The following MCM5 variants were observed in gnomAD, a reference collection of about 807,000 sequenced individuals.
MCM5 encodes the protein minichromosome maintenance complex component 5, also known as DNA replication licensing factor MCM5.
A neutral mutation model predicts 79.9 loss-of-function variants in MCM5; 46 were observed. That is an observed-to-expected ratio of 0.58 (90% CI 0.45 to 0.74). MCM5 has a LOEUF of 0.74. Ranked by LOEUF, MCM5 falls within the 30% of genes least tolerant of loss-of-function variation. The pLI, the probability that MCM5 is intolerant of heterozygous loss-of-function variation, is 0.00. For missense variants in MCM5, 883 were observed against 1,017.0 expected, an observed-to-expected ratio of 0.87 and a Z score of 1.79; for synonymous variants, 404 against 390.5, an observed-to-expected ratio of 1.03 and a Z score of -0.41.
rs773861459 is a variant in MCM5 at position 35,424,161 on chromosome 22, C to G, written c.2111C>G (p.Pro704Arg). The change falls in exon 17 of 17, where the codon CCG (proline) becomes CGG (arginine). Residue 704 changes from proline (P) to arginine (R), a missense_variant. Coordinates refer to ENST00000216122, the MANE Select transcript of MCM5 (RefSeq NM_006739.4). ...IIKDFTKQKY[P>R]EHAIHKVLQL... ...AGCCATGTGCTCCCACAGAAATACC[C>G]GGAGCACGCCATCCACAAGGTGCTG... 2.6e-6 allele frequency: 4 copies of G among 1,549,856 alleles called. No individual in the cohort carries two copies. The highest frequency in any genetic ancestry group is 1.2e-5 in the South Asian group (1 of 83,814).
At chr22:35,442,754 T>C in the MCM5 span, among the ~76,000 whole-genome samples, 7 of 152,320 alleles carry the variant, frequency 4.6e-5, no homozygotes, top group Middle Eastern at 3.4e-3. Flanking sequence ...CTTAATTTGA[T>C]CTCATCTGCA....
chr22:35,419,854 TCA>T (rs757895852), intron 13 of MCM5, 28 bp from the exon 14 acceptor site: 2 of 1,582,540 alleles, frequency 1.3e-6, no homozygotes, highest in East Asian at 4.6e-5. Context: ...CCTCCTGGCC[TCA>T]CACCAGCCTC....
intron 10 of MCM5, 93 bp downstream of exon 10, chr22:35,416,065 G>T: frequency 6.7e-7 from 1 of 1,481,658 alleles, no homozygotes; most frequent in Non-Finnish European, 9.3e-7. Context: ...CCTCTGACTT[G>T]GGAGACATGT....
At position 35,413,871 on chromosome 22, in the gene MCM5, C is replaced by T; in HGVS notation, c.1092-4C>T. The T allele has an allele frequency of 6.3e-7, 1 of 1,580,162 alleles. No homozygotes were observed. Among genetic ancestry groups the T allele is most frequent in the Non-Finnish European group, 8.7e-7 (1 of 1,149,010 alleles). ...ACCTTGTCCATCTACCCTTCGTCCC[C>T]CAGGCTCCCTGATGGACTTACTCGC... On this transcript the variant is annotated splice_region_variant and splice_polypyrimidine_tract_variant and intron_variant, in intron 8 of 16. Transcript: ENST00000216122.
intron 5 of MCM5, 124 bp downstream of exon 5, chr22:35,406,849 G>A (rs1011922186): frequency 9.6e-7 from 1 of 1,036,286 alleles, no homozygotes; most frequent in Admixed American, 2.3e-5. Flanking sequence ...CTGGGCAGGG[G>A]TGTGCCCTTA....
At chr22:35,428,055 CTG>C (rs1434184394), downstream of MCM5, among the ~76,000 whole-genome samples, 1 of 146,660 alleles carries the variant, frequency 6.8e-6, no homozygotes, top group Non-Finnish European at 1.5e-5. Context: ...AAGTCTCACT[CTG>C]TTGTCCAGGC....
At chr22:35,447,794 G>A in the MCM5 span, among the ~76,000 whole-genome samples, 82 of 152,260 alleles carry the variant, frequency 5.4e-4, no homozygotes, top group East Asian at 3.5e-3. Context: ...GGAGGAAACC[G>A]TCCACAGCCT....
chr22:35,400,613 TC>T lies in MCM5; in HGVS notation c.167+10del, dbSNP rs1436480160. 6.3e-7 allele frequency: 1 copy of T among 1,596,160 alleles called. No homozygotes were observed. Among genetic ancestry groups the T allele is most frequent in the Non-Finnish European group, 8.5e-7 (1 of 1,170,078 alleles). ...CTTCACCTTCAAATACAGGTGCGGC[TC>T]CTGCGGGGCCGGGGGCTCGAGTTCC... On this transcript the variant is annotated intron_variant, in intron 2 of 16. Coordinates refer to ENST00000216122, the MANE Select transcript of MCM5 (RefSeq NM_006739.4).
chr22:35,442,268 G>T, the MCM5 span, among the ~76,000 whole-genome samples: 2 of 151,700 alleles, frequency 1.3e-5, no homozygotes, highest in Non-Finnish European at 2.9e-5. Flanking sequence ...GCCTGCTTGC[G>T]TGGTGGGTTC....
chr22:35,403,082 G>A, intron 2 of MCM5, 125 bp from the exon 3 acceptor site: 2 of 1,125,114 alleles, frequency 1.8e-6, no homozygotes, highest in Admixed American at 4.4e-5. Flanking sequence ...TGTTTGGGAA[G>A]AGGAATGGTG....
chr22:35,406,694 G>C lies in MCM5; in HGVS notation c.565G>C (p.Glu189Gln), dbSNP rs779395034. The C allele has an allele frequency of 6.2e-7, 1 of 1,609,882 alleles. No homozygotes were observed. Among genetic ancestry groups the C allele is most frequent in the Non-Finnish European group, 8.5e-7 (1 of 1,180,010 alleles). ...CAACATTGCCATGCGCCCTGGCCTC[G>C]AGGGCTATGCCCTGCCCAGGAAGTG... ...LTNIAMRPGL[E>Q]GYALPRKCNT... is the part of the protein sequence containing the mutation. The change falls in exon 5 of 17, where the codon GAG (glutamate) becomes CAG (glutamine). Residue 189 changes from glutamate to glutamine, a missense_variant. Transcript: ENST00000216122.
chr22:35,401,698 T>A (rs1158743632), intron 2 of MCM5: 1 of 471,058 alleles, frequency 2.1e-6, no homozygotes, highest in South Asian at 1.5e-5. Flanking sequence ...TGCCAGGCAC[T>A]GCGCTACAAA....
At chr22:35,431,301 G>A in the MCM5 span, among the ~76,000 whole-genome samples, 18 of 152,304 alleles carry the variant, frequency 1.2e-4, no homozygotes, top group East Asian at 3.3e-3. Context: ...AGGAAACTGA[G>A]GCACAGAAAT....
Position 35,406,442 on chromosome 22 carries a change from T to TGCA in MCM5, c.424-108_424-106dup, listed in dbSNP as rs142160533. ...GGAACAGAAGAGCTGTGGCCCTCCCTGCAGCTCTGTGCCCACCTCCTCCAG... is the reference window on the plus strand; with the variant it reads ...GGAACAGAAGAGCTGTGGCCCTCCCTGCAGCAGCTCTGTGCCCACCTCCTCCAG... On this transcript the variant is annotated intron_variant, in intron 4 of 16. Transcript: ENST00000216122. 1.5e-3 allele frequency: 1,454 copies of TGCA among 970,184 alleles called. 11 individuals are homozygous for TGCA. The East Asian group carries it at 0.02, about 13-fold the overall frequency. The allele number at this position is 970,184 out of a possible 1,614,324, so 60.1% of individuals were successfully genotyped here.
the MCM5 span, among the ~76,000 whole-genome samples, chr22:35,453,847 G>GAGAGAGAGAA: frequency 6.7e-6 from 1 of 148,390 alleles, no homozygotes; most frequent in Admixed American, 6.7e-5. Context: ...GAGAGAGAGA[G>GAGAGAGAGAA]ATAGGGAGAG....
the MCM5 span, among the ~76,000 whole-genome samples, chr22:35,450,492 G>C: frequency 2.0e-5 from 3 of 152,130 alleles, no homozygotes; most frequent in Non-Finnish European, 4.4e-5. Context: ...AGTGGGTGAG[G>C]ACTCGCCCAG....
the MCM5 span, among the ~76,000 whole-genome samples, chr22:35,436,164 C>CAAAAAAAAA: frequency 1.6e-4 from 10 of 60,980 alleles, no homozygotes; most frequent in East Asian, 4.5e-4. Context: ...AACTCAGTCT[C>CAAAAAAAAA]AAAAAAAAAA....
intron 5 of MCM5, among the ~76,000 whole-genome samples, chr22:35,407,945 T>G (rs991933328): frequency 6.6e-6 from 1 of 152,216 alleles, no homozygotes. Flanking sequence ...TTTACTTCTT[T>G]ATGTTGCTAT....
downstream of MCM5, among the ~76,000 whole-genome samples, chr22:35,430,389 C>T (rs544051128): frequency 2.0e-5 from 3 of 152,256 alleles, no homozygotes; most frequent in South Asian, 2.1e-4. Context: ...ACCTGGTGCC[C>T]GCTGGGCAGG....
Sources: gnomAD v4.1 joint callset for allele counts (sites outside exome capture counted in the v4.1 genomes callset) on GRCh38, gnomAD v4.1.1 for gene constraint, MANE v1.5 for transcripts, NCBI Gene and HGNC (gene_info 2026-07-23, HGNC 2026-07-21) for gene names.